RP1L1: variants seen among roughly 807,000 people sequenced by gnomAD.
RP1L1 encodes RP1 like 1.
A neutral mutation model predicts 15.7 loss-of-function variants in RP1L1; 27 were observed. The observed-to-expected ratio is 1.72, with a 90% CI of 1.27 to 2.38. The LOEUF (loss-of-function observed/expected upper bound fraction) is 2.38. Among genes scored for constraint, RP1L1 ranks in the 30% most tolerant of loss-of-function variants. RP1L1 has a pLI of 0.00. For synonymous variants in RP1L1, 1,813 were observed against 1,276.7 expected, an observed-to-expected ratio of 1.42 and a Z score of -8.96; for missense variants, 4,798 against 3,075.9, an observed-to-expected ratio of 1.56 and a Z score of -13.24.
intron 1 of RP1L1, among the ~76,000 whole-genome samples, chr8:10,649,201 C>T (rs1335714798): frequency 6.6e-6 from 1 of 152,226 alleles, no homozygotes; most frequent in Non-Finnish European, 1.5e-5. Context: ...AACTTTCTTC[C>T]AGCAAAACCG....
chr8:10,651,728 G>A (rs1798565349), intron 1 of RP1L1, among the ~76,000 whole-genome samples: 2 of 145,524 alleles, frequency 1.4e-5, no homozygotes, highest in South Asian at 2.2e-4. Context: ...CTGCACTCCA[G>A]CCTGGCAACA....
intron 1 of RP1L1, 104 bp from the exon 2 acceptor site, chr8:10,623,324 G>T: frequency 2.4e-6 from 2 of 838,036 alleles, no homozygotes; most frequent in Non-Finnish European, 3.6e-6. Context: ...CCCCAAATGT[G>T]CTCCACTCCA....
Position 10,610,516 on chromosome 8 carries a change from C to A in RP1L1, c.3582G>T (p.Thr1194=), listed in dbSNP as rs200519322. ...LGSHAMTENF[T]PTSSSGVDIS... ...TGTCCACACCAGAGGAGGATGTGGG[C>A]GTGAAGTTCTCCGTCATGGCATGGG... The change falls in exon 4 of 4, where the codon ACG becomes ACT. Residue 1194 remains threonine (T), a synonymous_variant. Transcript: ENST00000382483. 4.3e-5 allele frequency: 70 copies of A among 1,613,622 alleles called. No individual in the cohort carries two copies. The Admixed American group carries it at 1.1e-3, about 27-fold the overall frequency.
chr8:10,653,661 AC>A (rs1305169709), intron 1 of RP1L1, among the ~76,000 whole-genome samples: 1 of 151,928 alleles, frequency 6.6e-6, no homozygotes, highest in African/African-American at 2.4e-5. Context: ...ACGCATACAC[AC>A]ACACACACAC....
At position 10,622,820 on chromosome 8, in the gene RP1L1, G is replaced by A; in HGVS notation, c.382C>T (p.Gln128Ter). Residue 128 changes from glutamine (Q) to a stop codon, truncating the protein, a stop_gained, in exon 2 of 4, where the codon CAG becomes TAG. Transcript: ENST00000382483. LOFTEE classifies it high-confidence loss of function. ...CGCTGGCCTTCGACATCCCGCAACT[G>A]CTGAGCAGTGGGGTTTCTCTCCTGT... ...RPQERNPTAQQLRDVEGQREA... is the reference protein window; with the variant it reads ...RPQERNPTAQ 1.2e-6 allele frequency: 2 copies of A among 1,613,652 alleles called. No individual in the cohort carries two copies. The highest frequency in any genetic ancestry group is 2.2e-5 in the South Asian group (2 of 91,060).
rs748789699 is a variant in RP1L1, at chr8:10,607,891, C to T, written c.6207G>A (p.Gly2069=). 3.9e-5 allele frequency: 62 copies of T among 1,586,284 alleles called. No individual in the cohort carries two copies. The South Asian group carries it at 6.7e-4, about 17-fold the overall frequency. The part of the protein sequence containing the change: ...EAEEEAQEAE[G]EVQEAEGEAH... ...CCTCCCCTTCTGCCTCCTGGACCTC[C>T]CCTTCAGCCTCCTGTGCCTCCTCTT... Residue 2069 remains glycine, a synonymous_variant, in exon 4 of 4, where the codon GGG becomes GGA. Coordinates refer to ENST00000382483, the MANE Select transcript of RP1L1 (RefSeq NM_178857.6).
chr8:10,639,253 C>T lies in RP1L1; in HGVS notation c.-20+15645G>A, dbSNP rs145260438. ...AACCCCGTCAACAGTGGGAAAGGCT[C>T]ATGCATCAGAGAGAGAAAGACACAG... On this transcript the variant is annotated intron_variant, in intron 1 of 3. Coordinates refer to ENST00000382483, the MANE Select transcript of RP1L1 (RefSeq NM_178857.6). Among the ~76,000 whole-genome samples the T allele has an allele frequency of 6.3e-3, 956 of 152,286 alleles. 10 individuals are homozygous for T. Among genetic ancestry groups the T allele is most frequent in the African/African-American group, 0.021 (893 of 41,556 alleles).
Position 10,617,876 on chromosome 8 carries a change from C to T in RP1L1, c.610-1289G>A, listed in dbSNP as rs554950224. On this transcript the variant is annotated intron_variant, in intron 2 of 3. Coordinates refer to ENST00000382483, the MANE Select transcript of RP1L1 (RefSeq NM_178857.6). ...CGGCCTAGAAGTTTGTTTTAAATGA[C>T]GAGGTCCATTTCTTCTTTGATTTGG... 1.3e-4 allele frequency among the ~76,000 whole-genome samples: 20 copies of T among 152,204 alleles called. No individual in the cohort carries two copies. The South Asian group carries it at 1.5e-3, about 11-fold the overall frequency.
chr8:10,627,826 G>C (rs1173821825), intron 1 of RP1L1, among the ~76,000 whole-genome samples: 1 of 152,136 alleles, frequency 6.6e-6, no homozygotes, highest in South Asian at 2.1e-4. Flanking sequence ...GTTCTGGGCA[G>C]TAAATTCAGA....
intron 1 of RP1L1, among the ~76,000 whole-genome samples, chr8:10,646,445 G>C (rs1397457265): frequency 6.6e-6 from 1 of 152,178 alleles, no homozygotes; most frequent in African/African-American, 2.4e-5. Flanking sequence ...AAATGCTAAT[G>C]GGTCTTTAGG....
At chr8:10,638,825 C>T (rs1002348996) in intron 1 of RP1L1, among the ~76,000 whole-genome samples, 4 of 152,250 alleles carry the variant, frequency 2.6e-5, no homozygotes, top group African/African-American at 9.6e-5. Flanking sequence ...GTGGGACCCA[C>T]GTTCTTGCCT....
chr8:10,642,171 A>T (rs1798416722), intron 1 of RP1L1, among the ~76,000 whole-genome samples: 1 of 152,206 alleles, frequency 6.6e-6, no homozygotes. Flanking sequence ...TCAAAATGAA[A>T]GGTTTAGTTT....
At position 10,611,284 on chromosome 8, in the gene RP1L1, C is replaced by A. The variant is rs772171734; in HGVS notation, c.2814G>T (p.Glu938Asp). ...LRSGGGPQGQ[E>D]EASGVSPSSL... is the part of the protein sequence containing the mutation. ...AGCTGGGTGACACACCACTGGCCTC[C>A]TCCTGCCCCTGGGGGCCTCCCCCAC... Residue 938 changes from glutamate to aspartate, a missense_variant, in exon 4 of 4, where the codon GAG becomes GAT. Glu to Asp is a conservative substitution (Grantham distance 45). Transcript: ENST00000382483. 7.4e-5 allele frequency: 119 copies of A among 1,613,054 alleles called. 2 individuals are homozygous for A. The Middle Eastern group carries it at 7.1e-3, about 96-fold the overall frequency.
intron 1 of RP1L1, among the ~76,000 whole-genome samples, chr8:10,639,585 G>A (rs986312865): frequency 2.0e-5 from 3 of 152,092 alleles, no homozygotes; most frequent in African/African-American, 7.2e-5. Context: ...TGTTGCCCAC[G>A]CTGGTCTTCA....
intron 1 of RP1L1, among the ~76,000 whole-genome samples, chr8:10,631,386 TGCACACACACGCACACACAC>T (rs1158041324): frequency 1.4e-5 from 1 of 71,244 alleles, no homozygotes; most frequent in African/African-American, 5.7e-5. Flanking sequence ...CAAACACACA[TGCACACACACGCACACACAC>T]GCACACACGC....
intron 3 of RP1L1, among the ~76,000 whole-genome samples, chr8:10,613,678 T>G (rs530382278): frequency 6.7e-6 from 1 of 149,946 alleles, no homozygotes; most frequent in East Asian, 2.0e-4. Flanking sequence ...CCCAGCTTCC[T>G]AGCTACTCGG....
rs1041793748 is a variant in RP1L1, at chr8:10,607,736, G to A, written c.6362C>T (p.Thr2121Ile). Residue 2121 changes from threonine (T) to isoleucine (I), a missense_variant, in exon 4 of 4, where the codon ACT (threonine) becomes ATT (isoleucine). Transcript: ENST00000382483. ...TGACTCTGGCTGGGCCTCCCCTTCA[G>A]TCTCTGGGGCCTCTATACCTTCTGC... ...QKAEGIEAPE[T>I]EGEAQPESEG... The A allele has an allele frequency of 6.3e-7, 1 of 1,599,106 alleles. No individual in the cohort carries two copies.
In RP1L1 at chr8:10,612,095, G is replaced by A. The variant is rs369395204; in HGVS notation, c.2003C>T (p.Ser668Phe). The A allele has an allele frequency of 6.2e-7, 1 of 1,613,732 alleles. No individual in the cohort carries two copies. The highest frequency in any genetic ancestry group is 8.5e-7 in the Non-Finnish European group (1 of 1,180,040). Residue 668 changes from serine to phenylalanine, a missense_variant, in exon 4 of 4, where the codon TCT (serine) becomes TTT (phenylalanine). By Grantham distance (155) the Ser-to-Phe change is radical. Transcript: ENST00000382483. ...RVAPRGHPRH[S>F]HYRKDTHSPL... The stretch of plus-strand genomic sequence containing the variant: ...GCTGTGGGTGTCCTTGCGGTAGTGA[G>A]AATGCCTGGGATGGCCTCTCGGGGC...
At chr8:10,638,993 A>C (rs1798369682) in intron 1 of RP1L1, among the ~76,000 whole-genome samples, 1 of 152,100 alleles carries the variant, frequency 6.6e-6, no homozygotes, top group African/African-American at 2.4e-5. Context: ...AAAAAATAAA[A>C]AATTAGCTGG....
Sources: allele counts gnomAD v4.1 joint callset (sites outside exome capture counted in the v4.1 genomes callset), GRCh38; gene constraint gnomAD v4.1.1; transcripts MANE v1.5; gene names NCBI Gene and HGNC (gene_info 2026-07-23, HGNC 2026-07-21).